The following PCCB variants were observed in gnomAD, a reference collection of about 807,000 sequenced individuals.
PCCB encodes propionyl-CoA carboxylase subunit beta.
A neutral mutation model predicts 60.7 loss-of-function variants in PCCB; 43 were observed. That is an observed-to-expected ratio of 0.71 (90% CI 0.55 to 0.91). The LOEUF is 0.91. Ranked by LOEUF, PCCB falls within the 40% of genes least tolerant of loss-of-function variation. The pLI, the probability that PCCB is intolerant of heterozygous loss-of-function variation, is 0.00. For synonymous variants in PCCB, 276 were observed against 255.9 expected (o/e 1.08, Z -0.75); for missense variants, 766 against 702.8 (o/e 1.09, Z -1.02).
intron 10 of PCCB, among the ~76,000 whole-genome samples, chr3:136,317,923 C>A (rs1934968440): frequency 6.6e-6 from 1 of 152,136 alleles, no homozygotes; most frequent in South Asian, 2.1e-4. Flanking sequence ...CTGTGAATAC[C>A]ACTTCTCTCC....
chr3:136,299,452 A>G (rs916647687), intron 8 of PCCB, among the ~76,000 whole-genome samples: 3 of 151,530 alleles, frequency 2.0e-5, no homozygotes, highest in African/African-American at 7.3e-5. Flanking sequence ...ATGCATATGT[A>G]TGCATGTGTA....
chr3:136,304,148 G>C (rs1272954046), intron 9 of PCCB, among the ~76,000 whole-genome samples: 1 of 110,024 alleles, frequency 9.1e-6, no homozygotes, highest in Non-Finnish European at 2.0e-5. Context: ...GTATCTCTTC[G>C]TCTTTTTTTT....
intron 4 of PCCB, 83 bp downstream of exon 4, chr3:136,260,618 T>G (rs1375073647): frequency 8.5e-7 from 1 of 1,175,580 alleles, no homozygotes; most frequent in Admixed American, 1.9e-5. Context: ...TACAAGACAC[T>G]GAGCTAGGTA....
In PCCB at chr3:136,290,671, G is replaced by GTTTTTTTTTTTTTTTTTTTTT. The variant is rs61191314; in HGVS notation, c.655-3068_655-3067insTTTTTTTTTTTTTTTTTTTTT. Among the ~76,000 whole-genome samples, 11 of 60,046 alleles carry GTTTTTTTTTTTTTTTTTTTTT rather than the reference G, an allele frequency of 1.8e-4. 3 individuals are homozygous for GTTTTTTTTTTTTTTTTTTTTT. Among genetic ancestry groups the GTTTTTTTTTTTTTTTTTTTTT allele is most frequent in the Admixed American group, 9.1e-4 (3 of 3,288 alleles). The allele number at this position is 60,046 out of a possible 152,430, so 39.4% of individuals were successfully genotyped here. A position where few individuals can be genotyped will look rare whatever the true frequency, so the allele number is the denominator to read the frequency against. Reference sequence around the variant, plus strand: ...CACTACACCTAGCTTTCTCTGTGTAGTTTTTTTTTTTTTTTTTGTCATTCA... The same window carrying GTTTTTTTTTTTTTTTTTTTTT: ...CACTACACCTAGCTTTCTCTGTGTAGTTTTTTTTTTTTTTTTTTTTTTTTTTTTTTTTTTTTTTGTCATTCA... On this transcript the variant is annotated intron_variant, in intron 6 of 14. Transcript: ENST00000251654.
At chr3:136,280,506 T>C (rs1228591973) in intron 5 of PCCB, among the ~76,000 whole-genome samples, 1 of 152,108 alleles carries the variant, frequency 6.6e-6, no homozygotes, top group Admixed American at 6.6e-5. Flanking sequence ...CCACCATGCC[T>C]AGCTAATTTT....
intron 10 of PCCB, chr3:136,326,342 T>C: frequency 1.4e-6 from 1 of 702,866 alleles, no homozygotes; most frequent in African/African-American, 1.7e-5. Context: ...TTTCCTTTAC[T>C]CCTTGGAACT....
In PCCB at chr3:136,291,780, G is replaced by C. The variant is rs961397836; in HGVS notation, c.655-1976G>C. Among the ~76,000 whole-genome samples, 8 of 152,330 alleles carry C rather than the reference G, an allele frequency of 5.3e-5. No individual in the cohort carries two copies. The East Asian group carries it at 1.3e-3, about 26-fold the overall frequency. The stretch of plus-strand genomic sequence containing the variant: ...AAGAATGATGCTCTCGTGCGTTTCA[G>C]AAGGGTCTTTTTTTCCCCCATGCAT... On this transcript the variant is annotated intron_variant, in intron 6 of 14. Coordinates refer to ENST00000251654, the MANE Select transcript of PCCB (RefSeq NM_000532.5).
intron 9 of PCCB, 31 bp downstream of exon 9, chr3:136,301,142 C>A (rs370932434): frequency 6.5e-7 from 1 of 1,546,376 alleles, no homozygotes; most frequent in South Asian, 1.1e-5. Context: ...TCTTGCCTGT[C>A]CTAGTCAGCC....
At chr3:136,284,036 T>G in intron 6 of PCCB, 89 bp downstream of exon 6, 1 of 829,404 alleles carries the variant, frequency 1.2e-6, no homozygotes, top group South Asian at 1.4e-5. Flanking sequence ...CAGATCTAGG[T>G]TGTTACCTGC....
intron 9 of PCCB, among the ~76,000 whole-genome samples, chr3:136,310,348 A>G (rs2108218462): frequency 6.6e-6 from 1 of 151,352 alleles, no homozygotes; most frequent in African/African-American, 2.4e-5. Flanking sequence ...GGGCAACAAG[A>G]GCGAAACTCC....
intron 3 of PCCB, 193 bp from the exon 4 acceptor site, chr3:136,260,286 C>G (rs1324333095): frequency 8.9e-6 from 6 of 673,102 alleles, no homozygotes; most frequent in Admixed American, 6.5e-5. Flanking sequence ...CCATGTCGCC[C>G]AGGCTGGTCT....
chr3:136,318,388 A>C (rs1388842345), intron 10 of PCCB, among the ~76,000 whole-genome samples: 1 of 152,188 alleles, frequency 6.6e-6, no homozygotes, highest in East Asian at 1.9e-4. Context: ...CCTCCCCAAA[A>C]AAAAAATTTT....
At chr3:136,281,022 A>G (rs191297370) in intron 5 of PCCB, among the ~76,000 whole-genome samples, 34 of 152,220 alleles carry the variant, frequency 2.2e-4, no homozygotes, top group Middle Eastern at 3.4e-3. Flanking sequence ...GATCAGTTGC[A>G]TGGGATCAGT....
chr3:136,319,563 AATTTTTGTATTTTTAGTAGAG>A, intron 10 of PCCB, among the ~76,000 whole-genome samples: 1 of 151,948 alleles, frequency 6.6e-6, no homozygotes, highest in South Asian at 2.1e-4. Flanking sequence ...ATGCTGGGCT[AATTTTTGTATTTTTAGTAGAG>A]ACGGGGTTTC....
chr3:136,318,271 G>C (rs941582124), intron 10 of PCCB, among the ~76,000 whole-genome samples: 1 of 152,180 alleles, frequency 6.6e-6, no homozygotes, highest in Non-Finnish European at 1.5e-5. Flanking sequence ...TTGAGCCGGG[G>C]AGGAGGAGGT....
chr3:136,257,309 A>G (rs1410673573), intron 3 of PCCB, among the ~76,000 whole-genome samples: 1 of 152,086 alleles, frequency 6.6e-6, no homozygotes, highest in African/African-American at 2.4e-5. Context: ...AAGATGGGAG[A>G]AGGGGACCAT....
intron 10 of PCCB, among the ~76,000 whole-genome samples, chr3:136,321,251 A>T (rs964302585): frequency 2.6e-5 from 4 of 152,246 alleles, no homozygotes; most frequent in Non-Finnish European, 5.9e-5. Flanking sequence ...GAAAGTACAT[A>T]GAATTCCTGT....
intron 6 of PCCB, among the ~76,000 whole-genome samples, chr3:136,284,735 C>T (rs926343120): frequency 2.0e-5 from 3 of 152,094 alleles, no homozygotes; most frequent in Non-Finnish European, 2.9e-5. Context: ...CTATTCTGTT[C>T]TTAGTGATAT....
chr3:136,299,794 G>A (rs1334867105), intron 8 of PCCB, among the ~76,000 whole-genome samples: 1 of 151,404 alleles, frequency 6.6e-6, no homozygotes, highest in Admixed American at 6.6e-5. Flanking sequence ...GTATGTATAT[G>A]CATGTGTATG....
Sources: allele counts gnomAD v4.1 joint callset (sites outside exome capture counted in the v4.1 genomes callset), GRCh38; gene constraint gnomAD v4.1.1; transcripts MANE v1.5; gene names NCBI Gene and HGNC (gene_info 2026-07-23, HGNC 2026-07-21).